The following BOD1L1 variants were observed in gnomAD, a reference collection of about 807,000 sequenced individuals.
BOD1L1 encodes biorientation of chromosomes in cell division 1 like 1.
A neutral mutation model predicts 240.7 loss-of-function variants in BOD1L1; 86 were observed. The observed-to-expected ratio is 0.36, with a 90% CI of 0.30 to 0.43. The LOEUF (loss-of-function observed/expected upper bound fraction) is 0.43, where lower values mean the gene tolerates loss of function less well. Among genes scored for constraint, BOD1L1 ranks in the 20% least tolerant of loss-of-function variants. The pLI, the probability that BOD1L1 is intolerant of heterozygous loss-of-function variation, is 1.00. For missense variants in BOD1L1, 3,554 were observed against 3,643.5 expected, an observed-to-expected ratio of 0.98 and a Z score of 0.63; for synonymous variants, 1,268 against 1,272.3, an observed-to-expected ratio of 1.00 and a Z score of 0.07.
Position 13,613,649 on chromosome 4 carries a change from A to T in BOD1L1, c.1187T>A (p.Ile396Lys). ...TGTAAGTCCATCCACATCAGAATCT[A>T]TCAAAGAGAAATCTTCAAGCGGAAA... ...VEGTKEDFSL[I>K]DSDVDGLTDI... Residue 396 changes from isoleucine to lysine, a missense_variant, in exon 5 of 26, where the codon ATA becomes AAA. This residue lies in a region of BOD1L1 where 3,393 missense variants were observed against 3,427.1 expected (regional missense o/e 0.99). Coordinates refer to ENST00000040738, the MANE Select transcript of BOD1L1 (RefSeq NM_148894.3). The surrounding 1 kb of genome is among the most constrained non-coding windows in gnomAD (Gnocchi z 4.0). The T allele has an allele frequency of 6.5e-7, 1 of 1,541,668 alleles. No homozygotes were observed. The highest frequency in any genetic ancestry group is 8.8e-7 in the Non-Finnish European group (1 of 1,137,894).
intron 25 of BOD1L1, among the ~76,000 whole-genome samples, chr4:13,571,923 C>A (rs958916385): frequency 6.6e-6 from 1 of 152,020 alleles, no homozygotes; most frequent in Non-Finnish European, 1.5e-5. Flanking sequence ...CTAGAATGTG[C>A]GGAAAACAGC....
chr4:13,624,648 T>C (rs1577389115), intron 1 of BOD1L1: 2 of 152,228 alleles, frequency 1.3e-5, no homozygotes, highest in Admixed American at 1.3e-4. Flanking sequence ...CTCGAACTCC[T>C]GACCTCTAAT....
In BOD1L1 at chr4:13,608,576, A is replaced by G. The variant is rs779321016; in HGVS notation, c.1696T>C (p.Leu566=). The G allele has an allele frequency of 9.1e-6, 14 of 1,543,772 alleles. No homozygotes were observed. In the Admixed American group the frequency reaches 2.8e-4, roughly 31 times the overall value. The change falls in exon 8 of 26, where the codon TTA becomes CTA. Residue 566 remains leucine, a synonymous_variant. Coordinates refer to ENST00000040738, the MANE Select transcript of BOD1L1 (RefSeq NM_148894.3). ...TTGCTTAAGGCTACTTTTTTTTCTA[A>G]AACTTTCCGTTCTTTAAGGACTTCT... The part of the protein sequence containing the change: ...IKEVLKERKV[L]EKKVALSKKR...
intron 24 of BOD1L1, 145 bp from the exon 25 acceptor site, chr4:13,577,136 C>T (rs542740697): frequency 1.0e-6 from 1 of 999,744 alleles, no homozygotes; most frequent in South Asian, 1.7e-5. Context: ...TCAGCACTTG[C>T]AATTCACAAC....
At chr4:13,585,661 AC>A (rs978085050) in intron 17 of BOD1L1, among the ~76,000 whole-genome samples, 5 of 152,094 alleles carry the variant, frequency 3.3e-5, no homozygotes, top group Non-Finnish European at 7.4e-5. Flanking sequence ...TTTGGCTGTG[AC>A]CCCACTCAAA....
chr4:13,583,503 T>C (rs749324643), intron 17 of BOD1L1, among the ~76,000 whole-genome samples: 22 of 152,292 alleles, frequency 1.4e-4, no homozygotes, highest in Admixed American at 1.2e-3. Context: ...TTCAATGTCA[T>C]TGGGTTTTGA....
intron 13 of BOD1L1, among the ~76,000 whole-genome samples, chr4:13,590,685 T>A (rs1020524833): frequency 6.6e-6 from 1 of 152,194 alleles, no homozygotes; most frequent in African/African-American, 2.4e-5. Context: ...AAGCAGCCAA[T>A]GGCAAAAGAG....
rs760131296 is a variant in BOD1L1, at chr4:13,599,913, G to A, written c.6987C>T (p.Ile2329=). The A allele has an allele frequency of 6.2e-6, 10 of 1,613,688 alleles. No individual in the cohort carries two copies. The African/African-American group carries it at 1.1e-4, about 17-fold the overall frequency. ...TACATTCTGCTGTGCTGGTGGAGAT[G>A]ATGGCAGCATCGCTCAAGTCTTCTA... ...TRVEDLSDAA[I]ISTSTAECMP... The change falls in exon 10 of 26, where the codon ATC becomes ATT. Residue 2329 remains isoleucine, a synonymous_variant. Coordinates refer to ENST00000040738, the MANE Select transcript of BOD1L1 (RefSeq NM_148894.3).
Position 13,604,357 on chromosome 4 carries a change from G to A in BOD1L1, c.2543C>T (p.Ser848Phe), listed in dbSNP as rs1358188521. The A allele has an allele frequency of 1.3e-6, 2 of 1,580,716 alleles. No individual in the cohort carries two copies. Among genetic ancestry groups the A allele is most frequent in the Non-Finnish European group, 1.7e-6 (2 of 1,169,762 alleles). ...ACCCAGAGAATCTTTCTGAATTTTA[G>A]AATCACTTGACCTTCTTGATTTGTG... ...AEHKSRRSSD[S>F]KIQKDSLGSK... The change falls in exon 10 of 26, where the codon TCT becomes TTT. Residue 848 changes from serine (S) to phenylalanine (F), a missense_variant. Physicochemically the swap from Ser to Phe is radical, Grantham distance 155. Coordinates refer to ENST00000040738, the MANE Select transcript of BOD1L1 (RefSeq NM_148894.3).
At chr4:13,578,248 C>T (rs1712930486) in intron 22 of BOD1L1, 1 of 151,796 alleles carries the variant, frequency 6.6e-6, no homozygotes, top group Admixed American at 6.6e-5. Flanking sequence ...AATGTTCTGA[C>T]CCCAAAAAAG....
Position 13,609,835 on chromosome 4 carries a change from T to C in BOD1L1, c.1492-429A>G, listed in dbSNP as rs185109326. On this transcript the variant is annotated intron_variant, in intron 6 of 25. Transcript: ENST00000040738. ...AAAACAGTTGAAATAAAAATTCAAG[T>C]GATAGGCTAGTTCTACAACATATAT... Among the ~76,000 whole-genome samples, 112 of 152,274 alleles carry C rather than the reference T, an allele frequency of 7.4e-4. 1 individual carries two copies. Among genetic ancestry groups the C allele is most frequent in the Non-Finnish European group, 6.3e-4 (43 of 68,012 alleles).
At chr4:13,608,360 T>A (rs1167747383) in intron 8 of BOD1L1, among the ~76,000 whole-genome samples, 170 bp downstream of exon 8, 1 of 152,160 alleles carries the variant, frequency 6.6e-6, no homozygotes, top group Non-Finnish European at 1.5e-5. Context: ...TACTTAGAAA[T>A]GTTATAGATA....
chr4:13,588,832 A>G (rs1713943291), intron 14 of BOD1L1, 40 bp from the exon 15 acceptor site: 5 of 1,402,702 alleles, frequency 3.6e-6, no homozygotes, highest in Non-Finnish European at 4.8e-6. Context: ...AATCTTAAAT[A>G]TTTTTATATT....
chr4:13,568,750 T>A lies in BOD1L1; in HGVS notation c.*1261A>T, dbSNP rs956898210. 6.6e-6 allele frequency: 1 copy of A among 152,470 alleles called. No homozygotes were observed. The highest frequency in any genetic ancestry group is 2.4e-5 in the African/African-American group (1 of 41,408). The allele number at this position is 152,470 out of a possible 1,614,324, so 9.4% of individuals were successfully genotyped here. ...CTTACCACTCAAATTTTGGTAAACA[T>A]TTTATAATTTATATATAAAATCTCA... is the stretch of plus-strand genomic sequence containing the variant. On this transcript the variant is annotated 3_prime_UTR_variant, in exon 26 of 26. Transcript: ENST00000040738.
chr4:13,581,750 C>A lies in BOD1L1; in HGVS notation c.8592+487G>T, dbSNP rs979012824. 7.2e-5 allele frequency among the ~76,000 whole-genome samples: 11 copies of A among 152,316 alleles called. No homozygotes were observed. The East Asian group carries it at 1.4e-3, about 19-fold the overall frequency. On this transcript the variant is annotated intron_variant, in intron 19 of 25. Transcript: ENST00000040738. ...TGAAAATCTATGGGCTTACAGCAGG[C>A]AGGGCTGGGATGCTCTGTCTGTGCA... is the stretch of plus-strand genomic sequence containing the variant.
At chr4:13,586,984 C>A (rs1713758058) in intron 16 of BOD1L1, among the ~76,000 whole-genome samples, 1 of 152,122 alleles carries the variant, frequency 6.6e-6, no homozygotes, top group Non-Finnish European at 1.5e-5. Context: ...ACATCAGGAA[C>A]TCATTAAATT....
chr4:13,614,135 T>C (rs1716387277), intron 4 of BOD1L1, 61 bp downstream of exon 4: 2 of 1,372,366 alleles, frequency 1.5e-6, no homozygotes, highest in Non-Finnish European at 1.9e-6. Flanking sequence ...ATTTGATACT[T>C]CCCTGATCCC....
chr4:13,572,945 T>C lies in BOD1L1; in HGVS notation c.9039-2817A>G, dbSNP rs550451549. On this transcript the variant is annotated intron_variant, in intron 25 of 25. Coordinates refer to ENST00000040738, the MANE Select transcript of BOD1L1 (RefSeq NM_148894.3). ...GCTCCTTGTGGGCAAGTCAGAACAATAGGAACTAAAATCAGAAAAATGGTT... is the reference window on the plus strand; with the variant it reads ...GCTCCTTGTGGGCAAGTCAGAACAACAGGAACTAAAATCAGAAAAATGGTT... The C allele has an allele frequency of 2.7e-5, 27 of 1,018,540 alleles. No homozygotes were observed. In the African/African-American group the frequency reaches 3.9e-4, roughly 15 times the overall value. 63.1% of individuals were successfully genotyped at this position (1,018,540 alleles called of 1,614,324 possible).
In BOD1L1 at chr4:13,614,306, G is replaced by A. The variant is rs1266728546; in HGVS notation, c.1064C>T (p.Thr355Ile). ...KFDHSKKSED[T>I]QKVKDEKQAK... ...TTGTTTTTCATCTTTAACTTTCTGT[G>A]TATCTTCACTCTTTTTTGAGTGATC... The change falls in exon 4 of 26, where the codon ACA becomes ATA. Residue 355 changes from threonine to isoleucine, a missense_variant. Thr to Ile is a moderately conservative substitution (Grantham distance 89). Coordinates refer to ENST00000040738, the MANE Select transcript of BOD1L1 (RefSeq NM_148894.3). The A allele has an allele frequency of 1.3e-6, 2 of 1,549,564 alleles. No individual in the cohort carries two copies. The highest frequency in any genetic ancestry group is 3.9e-5 in the Admixed American group (2 of 50,746).
Sources: allele counts gnomAD v4.1 joint callset (sites outside exome capture counted in the v4.1 genomes callset), GRCh38; gene constraint gnomAD v4.1.1; regional missense constraint gnomAD v4.1.1; non-coding constraint Gnocchi (gnomAD v3.1); transcripts MANE v1.5; gene names NCBI Gene and HGNC (gene_info 2026-07-23, HGNC 2026-07-21).